Variants in SRFBP1 observed in about 807,000 individuals in gnomAD.
SRFBP1 encodes serum response factor binding protein 1.
A neutral mutation model predicts 45.5 loss-of-function variants in SRFBP1; 47 were observed. The observed-to-expected ratio is 1.03, with a 90% confidence interval of 0.82 to 1.32. SRFBP1 has a LOEUF of 1.32. SRFBP1 is among the 40% of genes most tolerant of loss of function. The pLI, the probability that SRFBP1 is intolerant of heterozygous loss-of-function variation, is 0.00. For synonymous variants in SRFBP1, 203 were observed against 166.3 expected (o/e 1.22, Z -1.70); for missense variants, 621 against 484.6 (o/e 1.28, Z -2.64).
At chr5:122,034,975 A>G (rs575471965) in intron 2 of SRFBP1, among the ~76,000 whole-genome samples, 23 of 152,000 alleles carry the variant, frequency 1.5e-4, no homozygotes, top group Non-Finnish European at 3.1e-4. Context: ...CCCTTTCCCA[A>G]TTAGGAGATG....
intron 2 of SRFBP1, among the ~76,000 whole-genome samples, chr5:122,046,262 G>C (rs571689886): frequency 6.6e-6 from 1 of 151,022 alleles, no homozygotes; most frequent in Non-Finnish European, 1.5e-5. Flanking sequence ...CGTTCTCATT[G>C]TTCAATTCCC....
intron 2 of SRFBP1, among the ~76,000 whole-genome samples, chr5:122,053,790 C>A (rs147142040): frequency 1.3e-5 from 2 of 152,304 alleles, no homozygotes; most frequent in East Asian, 3.9e-4. Context: ...GGGCCAGAAA[C>A]TCTAGCAAGC....
intron 1 of SRFBP1, among the ~76,000 whole-genome samples, chr5:121,970,703 A>G (rs1752171122): frequency 6.6e-6 from 1 of 152,100 alleles, no homozygotes; most frequent in Admixed American, 6.6e-5. Context: ...TGCATTTGAA[A>G]CAGTGAATAG....
chr5:122,018,786 A>T (rs1753237177), intron 4 of SRFBP1, among the ~76,000 whole-genome samples: 1 of 152,200 alleles, frequency 6.6e-6, no homozygotes, highest in Non-Finnish European at 1.5e-5. Context: ...GATAGTAGAC[A>T]TTTAAAATAG....
At chr5:122,063,834 G>A (rs953030522) in intron 2 of SRFBP1, 1 of 151,864 alleles carries the variant, frequency 6.6e-6, no homozygotes. Flanking sequence ...TATTGGGAAT[G>A]TTTATAAGTG....
At chr5:122,037,182 G>A (rs985703468) in intron 2 of SRFBP1, among the ~76,000 whole-genome samples, 3 of 152,190 alleles carry the variant, frequency 2.0e-5, no homozygotes, top group African/African-American at 7.2e-5. Flanking sequence ...ATAGGCGTGA[G>A]CCACTGTGCC....
At chr5:122,051,500 A>G (rs1753978599) in intron 2 of SRFBP1, among the ~76,000 whole-genome samples, 1 of 149,826 alleles carries the variant, frequency 6.7e-6, no homozygotes, top group South Asian at 2.1e-4. Context: ...CTTTATCATT[A>G]TGCAATACCC....
intron 2 of SRFBP1, chr5:122,066,509 GTTA>G (rs2152584681): frequency 4.5e-6 from 2 of 447,702 alleles, no homozygotes; most frequent in East Asian, 6.4e-5. Flanking sequence ...GAAACACTGT[GTTA>G]ATTCACAAAG....
intron 2 of SRFBP1, among the ~76,000 whole-genome samples, chr5:122,046,025 A>G (rs927954012): frequency 6.6e-6 from 1 of 151,840 alleles, no homozygotes; most frequent in East Asian, 1.9e-4. Context: ...TAAAAGTATG[A>G]TCCTTCAATG....
intron 2 of SRFBP1, among the ~76,000 whole-genome samples, chr5:122,053,310 G>A (rs1754021795): frequency 6.6e-6 from 1 of 152,144 alleles, no homozygotes; most frequent in Non-Finnish European, 1.5e-5. Context: ...AGGGTAAGAA[G>A]AAGCTTCAAC....
intron 1 of SRFBP1, 94 bp from the exon 2 acceptor site, chr5:121,974,099 AGTG>A: frequency 1.3e-6 from 1 of 748,818 alleles, no homozygotes; most frequent in Non-Finnish European, 2.2e-6. Flanking sequence ...AAGTAGTTAA[AGTG>A]GTAGACTAAG....
At position 121,974,384 on chromosome 5, in the gene SRFBP1, TA is replaced by T. The variant is rs560293397; in HGVS notation, c.125+103del. The T allele has an allele frequency of 2.8e-4, 220 of 796,362 alleles. 2 individuals are homozygous for T. Among genetic ancestry groups the T allele is most frequent in the South Asian group, 1.5e-3 (96 of 64,162 alleles). 49.3% of individuals were successfully genotyped at this position (796,362 alleles called of 1,614,324 possible). On this transcript the variant is annotated intron_variant, in intron 2 of 7. Coordinates refer to ENST00000339397, the MANE Select transcript of SRFBP1 (RefSeq NM_152546.3). Reference sequence around the variant, plus strand: ...TTAGGGTGGGATATAGAGAAGTAATTAAATGTCTTATACACCATTTTTGTTT... The same window carrying T: ...TTAGGGTGGGATATAGAGAAGTAATTAATGTCTTATACACCATTTTTGTTT...
At chr5:122,049,975 A>G (rs1753940268) in intron 2 of SRFBP1, among the ~76,000 whole-genome samples, 1 of 152,030 alleles carries the variant, frequency 6.6e-6, no homozygotes, top group Non-Finnish European at 1.5e-5. Context: ...TTTAGTTGAA[A>G]GCCTTTTCTG....
intron 4 of SRFBP1, among the ~76,000 whole-genome samples, chr5:122,007,746 G>C (rs1360924688): frequency 6.6e-6 from 1 of 150,484 alleles, no homozygotes; most frequent in Non-Finnish European, 1.5e-5. Context: ...AACCTGGAGC[G>C]TGGGGCCTTG....
rs1290515728 is a variant in SRFBP1 at position 121,976,549 on chromosome 5, T to C, written c.198+1162T>C. On this transcript the variant is annotated intron_variant, in intron 3 of 7. Coordinates refer to ENST00000339397, the MANE Select transcript of SRFBP1 (RefSeq NM_152546.3). ...TGAGAATAGCAATAAAATAGGAAGT[T>C]ACAATTTATCTCTTTCACTTTCTCT... Among the ~76,000 whole-genome samples the C allele has an allele frequency of 2.0e-5, 3 of 151,870 alleles. No individual in the cohort carries two copies. The East Asian group carries it at 5.8e-4, about 29-fold the overall frequency.
At chr5:121,968,282 C>T (rs1337846417) in intron 1 of SRFBP1, among the ~76,000 whole-genome samples, 1 of 150,862 alleles carries the variant, frequency 6.6e-6, no homozygotes, top group Non-Finnish European at 1.5e-5. Flanking sequence ...GGGCAGGTAA[C>T]GGATACAGCA....
chr5:122,004,251 T>C (rs1752936174), intron 4 of SRFBP1, among the ~76,000 whole-genome samples: 1 of 152,246 alleles, frequency 6.6e-6, no homozygotes, highest in South Asian at 2.1e-4. Context: ...CTAGCAGTTT[T>C]ACAGTTTCCA....
At chr5:122,057,221 A>G (rs1754094538) in intron 2 of SRFBP1, among the ~76,000 whole-genome samples, 2 of 152,156 alleles carry the variant, frequency 1.3e-5, no homozygotes, top group Non-Finnish European at 1.5e-5. Flanking sequence ...GGAGAAAAAT[A>G]CACATGCACA....
rs540577065 is a variant in SRFBP1 at position 122,002,100 on chromosome 5, A to G, written c.270+7430A>G. The stretch of plus-strand genomic sequence containing the variant: ...TATAGTTTTCACTAAAGTATGTTAG[A>G]TACAATCACATTTAATTTTTAATAT... On this transcript the variant is annotated intron_variant, in intron 4 of 7. Coordinates refer to ENST00000339397, the MANE Select transcript of SRFBP1 (RefSeq NM_152546.3). Among the ~76,000 whole-genome samples, 20 of 152,330 alleles carry G rather than the reference A, an allele frequency of 1.3e-4. No homozygotes were observed. In the East Asian group the frequency reaches 3.5e-3, roughly 26 times the overall value.
Sources: gnomAD v4.1 joint callset for allele counts (sites outside exome capture counted in the v4.1 genomes callset) on GRCh38, gnomAD v4.1.1 for gene constraint, MANE v1.5 for transcripts, NCBI Gene and HGNC (gene_info 2026-07-23, HGNC 2026-07-21) for gene names.